Variants in TRPM7 observed in about 807,000 individuals in gnomAD.
The protein encoded by TRPM7 is LTRPC ion channel family member 7.
In TRPM7, 134 loss-of-function variants were observed where a neutral mutation model predicts 229.7. The ratio of observed to expected loss-of-function variants is 0.58; its 90% confidence interval spans 0.51 to 0.67. The LOEUF is 0.67. TRPM7 is among the 30% of genes least tolerant of loss of function. The pLI is 0.00. For missense variants in TRPM7, 1,901 were observed against 2,210.0 expected (o/e 0.86, Z 2.80); for synonymous variants, 699 against 715.2 (o/e 0.98, Z 0.36).
intron 3 of TRPM7, among the ~76,000 whole-genome samples, chr15:50,651,904 T>A (rs1349999722): frequency 1.3e-5 from 2 of 151,216 alleles, no homozygotes; most frequent in Admixed American, 1.3e-4. Context: ...ATAAATACAA[T>A]AAATAAATAA....
chr15:50,607,222 T>G lies in TRPM7; in HGVS notation c.2687A>C (p.Tyr896Ser). 1 of 1,610,366 alleles carries G rather than the reference T, an allele frequency of 6.2e-7. No individual in the cohort carries two copies. Among genetic ancestry groups the G allele is most frequent in the Middle Eastern group, 1.7e-4 (1 of 6,050 alleles). The change falls in exon 20 of 39, where the codon TAT becomes TCT. Residue 896 changes from tyrosine to serine, a missense_variant. Coordinates refer to ENST00000646667, the MANE Select transcript of TRPM7 (RefSeq NM_017672.6). ...TACCTCACGGACTTTCTCAATGGCA[T>G]AAGTAAAAATATAAGCAATAACAAT... is the stretch of plus-strand genomic sequence containing the variant. Reference protein sequence around the residue: ...EWIVIAYIFTYAIEKVREIFM... With the variant: ...EWIVIAYIFTSAIEKVREIFM...
intron 21 of TRPM7, among the ~76,000 whole-genome samples, chr15:50,599,871 A>G (rs2059729190): frequency 6.6e-6 from 1 of 152,220 alleles, no homozygotes; most frequent in Non-Finnish European, 1.5e-5. Flanking sequence ...AAAAGACACC[A>G]ATGTCTGGGA....
At chr15:50,626,798 T>TA (rs10589676) in intron 11 of TRPM7, among the ~76,000 whole-genome samples, 156 of 148,428 alleles carry the variant, frequency 1.1e-3, no homozygotes, top group African/African-American at 3.0e-3. Context: ...TTCCCATGGT[T>TA]AAAAAAAAAA....
intron 21 of TRPM7, among the ~76,000 whole-genome samples, chr15:50,603,293 A>G (rs1015043231): frequency 6.6e-6 from 1 of 150,786 alleles, no homozygotes; most frequent in Non-Finnish European, 1.5e-5. Flanking sequence ...TTACTCAAGA[A>G]ATATTTAATT....
intron 38 of TRPM7, among the ~76,000 whole-genome samples, chr15:50,564,261 A>ACATAACATAACATAACATAACATAAC (rs1566928124): frequency 7.8e-5 from 4 of 51,528 alleles, no homozygotes; most frequent in African/African-American, 2.4e-4. Context: ...AATAAAATAA[A>ACATAACATAACATAACATAACATAAC]ATAAAATAAA....
In TRPM7 at chr15:50,629,348, C is replaced by T. The variant is rs557803242; in HGVS notation, c.1205-1099G>A. On this transcript the variant is annotated intron_variant, in intron 10 of 38. Transcript: ENST00000646667. ...AGTGCAGTGGCGTGGTCTTGGTTCA[C>T]TGCAACCTCTGCCTCCTGGGCTCAA... is the stretch of plus-strand genomic sequence containing the variant. Among the ~76,000 whole-genome samples, 7 of 149,730 alleles carry T rather than the reference C, an allele frequency of 4.7e-5. No individual in the cohort carries two copies. The South Asian group carries it at 1.5e-3, about 32-fold the overall frequency.
rs1294058604 is a variant in TRPM7, at chr15:50,678,249, AAAC to A, written c.3+8279_3+8281del. Among the ~76,000 whole-genome samples, 7 of 125,626 alleles carry A rather than the reference AAAC, an allele frequency of 5.6e-5. 1 individual carries two copies. Among genetic ancestry groups the A allele is most frequent in the African/African-American group, 3.0e-5 (1 of 33,306 alleles). 82.4% of individuals were successfully genotyped at this position (125,626 alleles called of 152,430 possible). ...AGTGAGACTCTCTCTCAAAAAAAAAAAACAAAAACAAAAACAAAAACAAAAACA... is the reference window on the plus strand; with the variant it reads ...AGTGAGACTCTCTCTCAAAAAAAAAAAAAAACAAAAACAAAAACAAAAACA... On this transcript the variant is annotated intron_variant, in intron 1 of 38. Coordinates refer to ENST00000646667, the MANE Select transcript of TRPM7 (RefSeq NM_017672.6).
chr15:50,637,353 T>C (rs2060940208), intron 7 of TRPM7, 69 bp downstream of exon 7: 1 of 1,422,050 alleles, frequency 7.0e-7, no homozygotes, highest in Non-Finnish European at 9.6e-7. Flanking sequence ...ACATTCTACT[T>C]TCTTTGAATT....
In TRPM7 at chr15:50,617,337, A is replaced by T. The variant is rs865782328; in HGVS notation, c.1494+2408T>A. Reference sequence around the variant, plus strand: ...GGCAACAGACCAAGACTCCATCTCAAAAAAAAAAAAAACAAATCAGTCAGG... The same window carrying T: ...GGCAACAGACCAAGACTCCATCTCATAAAAAAAAAAAACAAATCAGTCAGG... On this transcript the variant is annotated intron_variant, in intron 13 of 38. Coordinates refer to ENST00000646667, the MANE Select transcript of TRPM7 (RefSeq NM_017672.6). 2.1e-4 allele frequency among the ~76,000 whole-genome samples: 30 copies of T among 145,888 alleles called. 1 individual carries two copies. Among genetic ancestry groups the T allele is most frequent in the Non-Finnish European group, 2.7e-4 (18 of 65,942 alleles).
rs758440944 is a variant in TRPM7, at chr15:50,631,483, C to T, written c.1138G>A (p.Val380Ile). 6.3e-7 allele frequency: 1 copy of T among 1,594,488 alleles called. No homozygotes were observed. The highest frequency in any genetic ancestry group is 8.6e-7 in the Non-Finnish European group (1 of 1,163,178). Residue 380 changes from valine (V) to isoleucine (I), a missense_variant, in exon 10 of 39, where the codon GTT (valine) becomes ATT (isoleucine). Val to Ile is a conservative substitution (Grantham distance 29). Around this residue, in one of 8 missense-constraint regions of TRPM7, gnomAD observed 794 missense variants for 881.9 expected, o/e 0.90. Transcript: ENST00000646667. Reference protein sequence around the residue: ...ECMKRKELITVFHIGSDEHQD... With the variant: ...ECMKRKELITIFHIGSDEHQD... ...TGTTCATCTGACCCAATATGGAAAA[C>T]AGTGATCTATTTAAAGATAAATTTA...
Position 50,609,744 on chromosome 15 carries a change from A to T in TRPM7, c.2437-20T>A, listed in dbSNP as rs754147720. 6.4e-7 allele frequency: 1 copy of T among 1,573,676 alleles called. No individual in the cohort carries two copies. Among genetic ancestry groups the T allele is most frequent in the Non-Finnish European group, 8.6e-7 (1 of 1,163,712 alleles). On this transcript the variant is annotated intron_variant, in intron 18 of 38. Transcript: ENST00000646667. ...CACTTCCTAAAATTAAAAAAAAAAA[A>T]ATTCTTTTGTACAATTATTCAGAAC...
intron 21 of TRPM7, 114 bp from the exon 22 acceptor site, chr15:50,599,410 C>CT (rs2059717463): frequency 1.6e-6 from 1 of 638,542 alleles, no homozygotes; most frequent in Non-Finnish European, 2.5e-6. Context: ...CACAAAAAAT[C>CT]TTTGAGATTC....
chr15:50,574,212 A>C, intron 36 of TRPM7, 62 bp downstream of exon 36: 3 of 1,280,950 alleles, frequency 2.3e-6, no homozygotes, highest in Non-Finnish European at 3.4e-6. Context: ...ATTCTGTATA[A>C]CATATGAATA....
chr15:50,675,574 T>TA (rs1039623452), intron 1 of TRPM7, among the ~76,000 whole-genome samples: 7 of 151,770 alleles, frequency 4.6e-5, no homozygotes, highest in Admixed American at 1.3e-4. Context: ...CACCTAATGA[T>TA]AAAAAAAAGT....
intron 8 of TRPM7, 32 bp downstream of exon 8, chr15:50,634,350 T>A (rs1473290359): frequency 8.5e-7 from 1 of 1,181,714 alleles, no homozygotes; most frequent in Non-Finnish European, 1.1e-6. Context: ...AATAAATAAA[T>A]AAAATTAATT....
At chr15:50,683,246 C>T (rs2062281506) in intron 1 of TRPM7, among the ~76,000 whole-genome samples, 1 of 148,836 alleles carries the variant, frequency 6.7e-6, no homozygotes, top group Non-Finnish European at 1.5e-5. Context: ...AAAAAAAAAA[C>T]TGCAATTTAC....
intron 29 of TRPM7, 28 bp from the exon 30 acceptor site, chr15:50,580,936 C>T: frequency 6.4e-7 from 1 of 1,563,270 alleles, no homozygotes; most frequent in Non-Finnish European, 8.6e-7. Flanking sequence ...CACACACACA[C>T]AAAAACCTTA....
chr15:50,647,538 G>A lies in TRPM7; in HGVS notation c.321+1149C>T, dbSNP rs527830316. Among the ~76,000 whole-genome samples, 4 of 152,282 alleles carry A rather than the reference G, an allele frequency of 2.6e-5. No homozygotes were observed. In the East Asian group the frequency reaches 7.8e-4, roughly 30 times the overall value. On this transcript the variant is annotated intron_variant, in intron 4 of 38. Transcript: ENST00000646667. ...AGGCGGGCAGATCATGAGGTCAGGA[G>A]ATGGAGACCATCCTGGCTAACACAA...
At chr15:50,563,002 T>A (rs2053395578) in intron 38 of TRPM7, among the ~76,000 whole-genome samples, 1 of 152,136 alleles carries the variant, frequency 6.6e-6, no homozygotes, top group African/African-American at 2.4e-5. Context: ...ATGGACTTAG[T>A]GTGCTTTGCG....
Sources: gnomAD v4.1 joint callset for allele counts (sites outside exome capture counted in the v4.1 genomes callset) on GRCh38, gnomAD v4.1.1 for gene constraint, gnomAD v4.1.1 regional missense constraint, MANE v1.5 for transcripts, NCBI Gene and HGNC (gene_info 2026-07-23, HGNC 2026-07-21) for gene names.